Variants in FANCB observed in about 807,000 individuals in gnomAD.
The protein encoded by FANCB is FA complementation group B.
A neutral mutation model predicts 38.9 loss-of-function variants in FANCB; 5 were observed. That is an observed-to-expected ratio of 0.13 (90% CI 0.07 to 0.27). FANCB has a LOEUF of 0.27. Among genes scored for constraint, FANCB ranks in the 10% least tolerant of loss-of-function variants. The pLI is 1.00. For synonymous variants in FANCB, 236 were observed against 215.4 expected, an observed-to-expected ratio of 1.10 and a Z score of -0.84; for missense variants, 573 against 602.7, an observed-to-expected ratio of 0.95 and a Z score of 0.52.
chrX:14,864,523 A>C, intron 3 of FANCB, 37 bp downstream of exon 3: 1 of 912,125 alleles, frequency 1.1e-6, no homozygotes, highest in East Asian at 3.1e-5. Context: ...AAGGTCTGAG[A>C]CCACCAACTG....
chrX:14,796,295 A>G, the FANCB span, among the ~76,000 whole-genome samples: 6 of 108,438 alleles, frequency 5.5e-5, 1 homozygote, highest in East Asian at 1.7e-3. Flanking sequence ...GGGGTTTCCA[A>G]CGTGGCTGTT....
At chrX:14,833,175 T>C (rs769909029), downstream of FANCB, among the ~76,000 whole-genome samples, 3 of 112,617 alleles carry the variant, frequency 2.7e-5, no homozygotes, top group African/African-American at 9.7e-5. Context: ...GGAACACAGA[T>C]GATGCAGGGA....
chrX:14,797,247 C>A, the FANCB span, among the ~76,000 whole-genome samples: 1 of 111,944 alleles, frequency 8.9e-6, no homozygotes, highest in Non-Finnish European at 1.9e-5. Flanking sequence ...CTTCCTAGGG[C>A]TGCTTGAGTG....
chrX:14,825,558 T>C, the FANCB span, among the ~76,000 whole-genome samples: 1 of 112,227 alleles, frequency 8.9e-6, no homozygotes, highest in Non-Finnish European at 1.9e-5. Flanking sequence ...ATTCCGATGG[T>C]TTTCAATTTT....
the FANCB span, among the ~76,000 whole-genome samples, chrX:14,812,627 T>C: frequency 9.3e-6 from 1 of 107,945 alleles, no homozygotes; most frequent in African/African-American, 3.4e-5. Context: ...AGAAGTTGAG[T>C]CTCTGAATAG....
At chrX:14,765,066 T>C in the FANCB span, among the ~76,000 whole-genome samples, 1 of 112,269 alleles carries the variant, frequency 8.9e-6, no homozygotes, top group South Asian at 3.7e-4. Flanking sequence ...CATACTTATA[T>C]TACAAAATTT....
Position 14,844,927 on chromosome X carries a change from C to G in FANCB, c.1856G>C (p.Arg619Thr), listed in dbSNP as rs2092369588. 1.7e-6 allele frequency: 2 copies of G among 1,199,188 alleles called. No homozygotes were observed. ...CPKDRYVVCGRVFLSLEDLST... is the reference protein window; with the variant it reads ...CPKDRYVVCGTVFLSLEDLST... ...AAGATCTTCTAGACTTAAAAAAACT[C>G]TGCCACACACAACATAACGATCTTT... Residue 619 changes from arginine (R) to threonine (T), a missense_variant, in exon 8 of 10, where the codon AGA becomes ACA. Physicochemically the swap from Arg to Thr is moderately conservative, Grantham distance 71 (BLOSUM62 -1). Transcript: ENST00000650831.
the FANCB span, among the ~76,000 whole-genome samples, chrX:14,763,619 G>C: frequency 2.7e-5 from 3 of 111,708 alleles, no homozygotes; most frequent in African/African-American, 9.8e-5. Context: ...TTGTCAAGCT[G>C]CACAGTTAAA....
the FANCB span, among the ~76,000 whole-genome samples, chrX:14,773,770 T>C: frequency 8.9e-6 from 1 of 112,127 alleles, no homozygotes; most frequent in South Asian, 3.7e-4. Context: ...ACCAGGGCAC[T>C]CTGTATGTGT....
the FANCB span, among the ~76,000 whole-genome samples, chrX:14,781,470 A>T: frequency 3.6e-5 from 4 of 111,236 alleles, no homozygotes; most frequent in Non-Finnish European, 5.7e-5. Flanking sequence ...TATTTCTTTT[A>T]AAAAAAATAA....
chrX:14,720,379 T>G, the FANCB span, among the ~76,000 whole-genome samples: 1 of 111,848 alleles, frequency 8.9e-6, no homozygotes, highest in African/African-American at 3.2e-5. Context: ...ATCATGTAAG[T>G]CAAATGAAGC....
chrX:14,865,618 A>T, intron 2 of FANCB, 38 bp from the exon 3 acceptor site: 1 of 563,446 alleles, frequency 1.8e-6, no homozygotes. Context: ...ATGAAGTAGG[A>T]AGGGTTGAAA....
At chrX:14,777,993 G>A in the FANCB span, among the ~76,000 whole-genome samples, 1 of 111,599 alleles carries the variant, frequency 9.0e-6, no homozygotes, top group East Asian at 2.8e-4. Context: ...GGAATGTGAG[G>A]TTCCTCCCTG....
At chrX:14,785,481 A>C in the FANCB span, among the ~76,000 whole-genome samples, 2 of 111,799 alleles carry the variant, frequency 1.8e-5, no homozygotes, top group Non-Finnish European at 3.8e-5. Context: ...GAGCCAACCT[A>C]ATTGTGTATC....
chrX:14,809,863 C>T, the FANCB span, among the ~76,000 whole-genome samples: 15 of 112,469 alleles, frequency 1.3e-4, no homozygotes, highest in East Asian at 3.1e-3. Context: ...GATCTGAGAA[C>T]GGGCAGACTG....
chrX:14,856,310 C>T (rs1055844837), intron 5 of FANCB, among the ~76,000 whole-genome samples: 8 of 111,894 alleles, frequency 7.1e-5, no homozygotes, highest in African/African-American at 2.6e-4. Context: ...CATATTTTAG[C>T]AACTATAATA....
At chrX:14,701,181 G>A in the FANCB span, among the ~76,000 whole-genome samples, 1 of 110,774 alleles carries the variant, frequency 9.0e-6, no homozygotes, top group Non-Finnish European at 1.9e-5. Flanking sequence ...TGTGAATTGC[G>A]AAATACATCA....
At chrX:14,739,735 G>C in the FANCB span, among the ~76,000 whole-genome samples, 1 of 111,713 alleles carries the variant, frequency 9.0e-6, no homozygotes, top group Non-Finnish European at 1.9e-5. Flanking sequence ...AATGACGTTT[G>C]CTTTGTTACA....
chrX:14,743,979 C>T, the FANCB span, among the ~76,000 whole-genome samples: 1 of 111,728 alleles, frequency 9.0e-6, no homozygotes, highest in Admixed American at 9.6e-5. Context: ...CATTTTAGCT[C>T]AACTAATTAT....
Sources: gnomAD v4.1 joint callset for allele counts (sites outside exome capture counted in the v4.1 genomes callset) on GRCh38, gnomAD v4.1.1 for gene constraint, MANE v1.5 for transcripts, NCBI Gene and HGNC (gene_info 2026-07-23, HGNC 2026-07-21) for gene names.